ARHGAP15: variants seen among roughly 807,000 people sequenced by gnomAD.
The protein encoded by ARHGAP15 is rho GTPase-activating protein 15.
In ARHGAP15, 51 loss-of-function variants were observed where a neutral mutation model predicts 63.7. That is an observed-to-expected ratio of 0.80 (90% CI 0.64 to 1.01). The LOEUF is 1.01. ARHGAP15 is among the 50% of genes least tolerant of loss of function. The pLI is 0.00. For synonymous variants in ARHGAP15, 191 were observed against 193.8 expected (o/e 0.99, Z 0.12); for missense variants, 560 against 564.6 (o/e 0.99, Z 0.08).
chr2:143,730,892 T>G (rs1179052591), intron 13 of ARHGAP15, among the ~76,000 whole-genome samples: 1 of 84,052 alleles, frequency 1.2e-5, no homozygotes, highest in African/African-American at 4.6e-5. Context: ...AGCACTCCTT[T>G]AAAAAAAAAA....
chr2:143,529,739 A>T (rs999027203), intron 10 of ARHGAP15, among the ~76,000 whole-genome samples: 2 of 152,176 alleles, frequency 1.3e-5, no homozygotes, highest in African/African-American at 4.8e-5. Context: ...GAATATCACA[A>T]GAATCACCTT....
chr2:143,174,120 C>T (rs1690914984), intron 2 of ARHGAP15, among the ~76,000 whole-genome samples: 1 of 152,060 alleles, frequency 6.6e-6, no homozygotes, highest in African/African-American at 2.4e-5. Context: ...TAGCAATCCT[C>T]CTTTATTTGT....
At chr2:143,435,364 ACT>A (rs1474081591) in intron 6 of ARHGAP15, 26 of 1,122,752 alleles carry the variant, frequency 2.3e-5, no homozygotes, top group Non-Finnish European at 2.9e-5. Flanking sequence ...CTCTAGCCCT[ACT>A]CTGACTTAAT....
intron 10 of ARHGAP15, among the ~76,000 whole-genome samples, chr2:143,539,326 A>C (rs1026896491): frequency 1.3e-5 from 2 of 148,532 alleles, no homozygotes; most frequent in African/African-American, 5.0e-5. Context: ...TTTTCAAAAA[A>C]CCAGCTCCTG....
intron 6 of ARHGAP15, among the ~76,000 whole-genome samples, chr2:143,406,482 T>C (rs994462400): frequency 2.0e-5 from 3 of 151,972 alleles, no homozygotes; most frequent in African/African-American, 7.2e-5. Flanking sequence ...CTTTATGATA[T>C]GTGTAGACAA....
At chr2:143,290,180 G>A (rs886273103) in intron 6 of ARHGAP15, among the ~76,000 whole-genome samples, 3 of 152,064 alleles carry the variant, frequency 2.0e-5, no homozygotes, top group Non-Finnish European at 4.4e-5. Flanking sequence ...AGCTATTTAC[G>A]ATCAGGAGAA....
chr2:143,602,282 T>C (rs1051645878), intron 11 of ARHGAP15, among the ~76,000 whole-genome samples: 6 of 152,108 alleles, frequency 3.9e-5, no homozygotes, highest in African/African-American at 1.2e-4. Context: ...AGTGAAGCAA[T>C]TGACAAATAA....
At chr2:143,742,243 T>C (rs1305122647) in intron 13 of ARHGAP15, among the ~76,000 whole-genome samples, 1 of 152,188 alleles carries the variant, frequency 6.6e-6, no homozygotes, top group African/African-American at 2.4e-5. Context: ...CACAGAGCTA[T>C]GTCAAATGGC....
At chr2:143,201,020 C>G (rs7607591) in intron 2 of ARHGAP15, among the ~76,000 whole-genome samples, 25,632 of 152,052 alleles carry the variant, frequency 0.17, 2,352 homozygotes, top group Middle Eastern at 0.24. Flanking sequence ...TTGTTTCTAC[C>G]CCACGATATA....
At chr2:143,734,733 T>C (rs1482370986) in intron 13 of ARHGAP15, among the ~76,000 whole-genome samples, 2 of 152,224 alleles carry the variant, frequency 1.3e-5, no homozygotes, top group African/African-American at 2.4e-5. Flanking sequence ...ATGATAAAGG[T>C]CCTATTTTAG....
At chr2:143,526,361 C>T (rs909408610) in intron 10 of ARHGAP15, among the ~76,000 whole-genome samples, 1 of 151,460 alleles carries the variant, frequency 6.6e-6, no homozygotes, top group Non-Finnish European at 1.5e-5. Context: ...ATGTCGCTTC[C>T]CAGATACAGC....
intron 11 of ARHGAP15, among the ~76,000 whole-genome samples, chr2:143,615,610 G>A (rs959978624): frequency 1.3e-5 from 2 of 152,130 alleles, no homozygotes; most frequent in Non-Finnish European, 2.9e-5. Context: ...CATATTATCT[G>A]TATATGGGAA....
chr2:143,469,432 C>A (rs1157149402), intron 8 of ARHGAP15, among the ~76,000 whole-genome samples: 3 of 152,228 alleles, frequency 2.0e-5, no homozygotes, highest in African/African-American at 7.2e-5. Flanking sequence ...ACACCCCTGC[C>A]CACTGCCATA....
intron 6 of ARHGAP15, among the ~76,000 whole-genome samples, chr2:143,336,877 C>T (rs773813222): frequency 7.9e-5 from 12 of 152,076 alleles, no homozygotes; most frequent in African/African-American, 2.9e-4. Context: ...TGAGAGCATG[C>T]TTTGTGCCAG....
intron 10 of ARHGAP15, among the ~76,000 whole-genome samples, chr2:143,546,963 T>C (rs1257647885): frequency 6.6e-6 from 1 of 152,188 alleles, no homozygotes; most frequent in Non-Finnish European, 1.5e-5. Flanking sequence ...TGACTGTTTA[T>C]AGGTACCTTG....
chr2:143,567,117 T>C (rs1423553908), intron 11 of ARHGAP15, among the ~76,000 whole-genome samples: 1 of 152,082 alleles, frequency 6.6e-6, no homozygotes, highest in Non-Finnish European at 1.5e-5. Flanking sequence ...CCTCGTGATC[T>C]GCCCCCCTCG....
intron 10 of ARHGAP15, among the ~76,000 whole-genome samples, chr2:143,533,786 C>T (rs998251040): frequency 2.6e-5 from 4 of 152,060 alleles, no homozygotes; most frequent in African/African-American, 9.7e-5. Context: ...ATACTCTGGC[C>T]AGTGAATTAA....
intron 8 of ARHGAP15, among the ~76,000 whole-genome samples, chr2:143,442,500 T>G (rs1431819364): frequency 6.6e-6 from 1 of 152,106 alleles, no homozygotes; most frequent in East Asian, 1.9e-4. Context: ...AGGATTCTGG[T>G]GAGCCCTGAA....
intron 10 of ARHGAP15, among the ~76,000 whole-genome samples, chr2:143,547,044 T>C (rs1695363503): frequency 6.6e-6 from 1 of 152,150 alleles, no homozygotes; most frequent in Non-Finnish European, 1.5e-5. Flanking sequence ...CTAGGTTCTT[T>C]TCTAGAGAAA....
Sources: allele counts gnomAD v4.1 joint callset (sites outside exome capture counted in the v4.1 genomes callset), GRCh38; gene constraint gnomAD v4.1.1; transcripts MANE v1.5; gene names NCBI Gene and HGNC (gene_info 2026-07-23, HGNC 2026-07-21).